SIRPD: variants seen among roughly 807,000 people sequenced by gnomAD.
SIRPD encodes signal-regulatory protein delta.
In SIRPD, 21 loss-of-function variants were observed where a neutral mutation model predicts 18.0. The ratio of observed to expected loss-of-function variants is 1.17; its 90% CI spans 0.83 to 1.68. The LOEUF (loss-of-function observed/expected upper bound fraction) is 1.68, where lower values mean the gene tolerates loss of function less well. SIRPD is among the 40% of genes most tolerant of loss of function. The probability of loss-of-function intolerance (pLI) is 0.00; values close to 1 mark genes in which losing one functional copy is unlikely to be tolerated. For missense variants in SIRPD, 295 were observed against 238.4 expected, an observed-to-expected ratio of 1.24 and a Z score of -1.56; for synonymous variants, 106 against 92.9, an observed-to-expected ratio of 1.14 and a Z score of -0.81.
rs1170154955 is a variant in SIRPD at position 1,537,314 on chromosome 20, C to T, written c.422-4G>A. The T allele has an allele frequency of 6.2e-7, 1 of 1,612,490 alleles. No individual in the cohort carries two copies. The highest frequency in any genetic ancestry group is 8.5e-7 in the Non-Finnish European group (1 of 1,179,150). On this transcript the variant is annotated splice_polypyrimidine_tract_variant and splice_region_variant and intron_variant, in intron 2 of 3. Transcript: ENST00000381623. ...TTGGGAGGTCTTGGATTCTGCTCTG[C>T]TGAGAGAGGCAAAACTATGTGTTCC...
chr20:1,556,891 T>G (rs1274462381), intron 1 of SIRPD, among the ~76,000 whole-genome samples: 1 of 152,246 alleles, frequency 6.6e-6, no homozygotes, highest in Non-Finnish European at 1.5e-5. Context: ...TTTGCAGTAC[T>G]TTTTAAGAGC....
At chr20:1,539,347 T>A (rs1390235201) in intron 2 of SIRPD, among the ~76,000 whole-genome samples, 1 of 152,232 alleles carries the variant, frequency 6.6e-6, no homozygotes, top group African/African-American at 2.4e-5. Flanking sequence ...AACATACTTA[T>A]ATAATTTTGA....
Position 1,545,108 on chromosome 20 carries a change from C to T in SIRPD, c.421+6583G>A, listed in dbSNP as rs530900266. 7.9e-5 allele frequency among the ~76,000 whole-genome samples: 12 copies of T among 152,194 alleles called. No individual in the cohort carries two copies. In the South Asian group the frequency reaches 1.5e-3, roughly 18 times the overall value. On this transcript the variant is annotated intron_variant, in intron 2 of 3. Transcript: ENST00000381623. ...TTGTGTGTCTTGGGGTTGCTCTTCT[C>T]GAGGAGTATCTTTGTGGTGCTCTCT...
At chr20:1,555,342 A>G (rs1478241559) in intron 1 of SIRPD, among the ~76,000 whole-genome samples, 2 of 152,218 alleles carry the variant, frequency 1.3e-5, no homozygotes, top group Admixed American at 1.3e-4. Context: ...GGTGGTGGAG[A>G]GTTGGACAAG....
At chr20:1,541,865 A>G (rs555326915) in intron 2 of SIRPD, among the ~76,000 whole-genome samples, 2 of 152,308 alleles carry the variant, frequency 1.3e-5, no homozygotes, top group Admixed American at 1.3e-4. Flanking sequence ...ATGGCTAGCC[A>G]GTTTTCCCAA....
chr20:1,538,197 C>A (rs115560899), intron 2 of SIRPD, among the ~76,000 whole-genome samples: 1,851 of 152,272 alleles, frequency 0.012, 35 homozygotes, highest in African/African-American at 0.041. Flanking sequence ...GCCTCCTTAC[C>A]AGTGGCTGAC....
At chr20:1,555,750 C>T (rs2249832) in intron 1 of SIRPD, among the ~76,000 whole-genome samples, 54,568 of 152,122 alleles carry the variant, frequency 0.36, 11,442 homozygotes, top group Non-Finnish European at 0.47. Context: ...CCTTTTCTAT[C>T]GCTGAATAAC....
intron 1 of SIRPD, chr20:1,553,799 G>A (rs1323519829): frequency 1.3e-5 from 2 of 152,248 alleles, no homozygotes; most frequent in East Asian, 3.9e-4. Flanking sequence ...TTACTAGAAA[G>A]GCTATTAGAA....
intron 1 of SIRPD, among the ~76,000 whole-genome samples, chr20:1,556,112 A>T (rs2091040258): frequency 6.6e-6 from 1 of 152,188 alleles, no homozygotes; most frequent in Non-Finnish European, 1.5e-5. Flanking sequence ...CTCTAGTGTG[A>T]TAGATCTTAC....
chr20:1,553,072 G>A (rs1448788916), intron 1 of SIRPD, among the ~76,000 whole-genome samples: 1 of 152,188 alleles, frequency 6.6e-6, no homozygotes, highest in Non-Finnish European at 1.5e-5. Flanking sequence ...AAAGAACAGT[G>A]GGGCTGGGCA....
chr20:1,540,569 C>G (rs1204448632), intron 2 of SIRPD, among the ~76,000 whole-genome samples: 2 of 152,136 alleles, frequency 1.3e-5, no homozygotes, highest in African/African-American at 4.8e-5. Context: ...AATGTTCTGT[C>G]TTTAATCTAC....
chr20:1,538,438 C>T (rs184968613), intron 2 of SIRPD, among the ~76,000 whole-genome samples: 155 of 152,268 alleles, frequency 1.0e-3, no homozygotes, highest in South Asian at 4.8e-3. Context: ...ATGACAGATT[C>T]TATTTTCTAG....
At chr20:1,548,934 T>G (rs572024086) in intron 2 of SIRPD, among the ~76,000 whole-genome samples, 1 of 152,158 alleles carries the variant, frequency 6.6e-6, no homozygotes, top group East Asian at 1.9e-4. Context: ...TGTTTTCTCT[T>G]TCTCCTCTCC....
chr20:1,543,071 A>G (rs576538138), intron 2 of SIRPD, among the ~76,000 whole-genome samples: 2 of 152,220 alleles, frequency 1.3e-5, no homozygotes, highest in African/African-American at 4.8e-5. Flanking sequence ...TGTGTTCATC[A>G]GGGATATTGA....
intron 2 of SIRPD, among the ~76,000 whole-genome samples, chr20:1,543,216 C>G (rs995882880): frequency 6.6e-6 from 1 of 152,154 alleles, no homozygotes; most frequent in Admixed American, 6.5e-5. Context: ...GGTATCAGCT[C>G]CTCTTGTACC....
intron 3 of SIRPD, among the ~76,000 whole-genome samples, chr20:1,536,926 A>T (rs951050922): frequency 6.6e-6 from 1 of 152,160 alleles, no homozygotes; most frequent in African/African-American, 2.4e-5. Flanking sequence ...CCTGGATGGG[A>T]GAGAAAGCAA....
chr20:1,552,930 C>T (rs1351861680), intron 1 of SIRPD, among the ~76,000 whole-genome samples: 1 of 152,142 alleles, frequency 6.6e-6, no homozygotes, highest in East Asian at 1.9e-4. Flanking sequence ...TCAAGGGAAA[C>T]ATTACTGGGA....
chr20:1,551,975 G>T lies in SIRPD; in HGVS notation c.137C>A (p.Ser46Ter), dbSNP rs139775748. 2.5e-6 allele frequency: 4 copies of T among 1,613,936 alleles called. No homozygotes were observed. In the African/African-American group the frequency reaches 5.3e-5, roughly 22 times the overall value. The change falls in exon 2 of 4, where the codon TCA becomes TAA. Residue 46 changes from serine (S) to a stop codon, truncating the protein, a stop_gained. Coordinates refer to ENST00000381623, the MANE Select transcript of SIRPD (RefSeq NM_178460.3). LOFTEE classifies it high-confidence loss of function. ...EMSQTVSTGE[S>*]IILSCSVPNT... Reference sequence around the variant, plus strand: ...GGGTACGCTGCAACTCAAGATGATTGACTCCCCAGTTGATACAGTCTGTGA... The same window carrying T: ...GGGTACGCTGCAACTCAAGATGATTTACTCCCCAGTTGATACAGTCTGTGA...
intron 2 of SIRPD, among the ~76,000 whole-genome samples, chr20:1,538,126 T>C (rs2090955517): frequency 6.6e-6 from 1 of 152,164 alleles, no homozygotes; most frequent in South Asian, 2.1e-4. Flanking sequence ...TCATCACTTC[T>C]GTGGACCCAG....
Sources: allele counts gnomAD v4.1 joint callset (sites outside exome capture counted in the v4.1 genomes callset), GRCh38; gene constraint gnomAD v4.1.1; transcripts MANE v1.5; gene names NCBI Gene and HGNC (gene_info 2026-07-23, HGNC 2026-07-21).